Variants in NCAM2 observed in about 807,000 individuals in gnomAD.
NCAM2 encodes the protein N-CAM-2.
A neutral mutation model predicts 98.1 loss-of-function variants in NCAM2; 30 were observed. The ratio of observed to expected loss-of-function variants is 0.31; its 90% confidence interval spans 0.23 to 0.41. The LOEUF (loss-of-function observed/expected upper bound fraction) is 0.41. Among genes scored for constraint, NCAM2 ranks in the 10% least tolerant of loss-of-function variants. The pLI is 1.00. For synonymous variants in NCAM2, 368 were observed against 342.4 expected (o/e 1.07, Z -0.83); for missense variants, 867 against 1,005.8 (o/e 0.86, Z 1.87).
At chr21:21,350,610 T>A (rs183121489) in intron 8 of NCAM2, among the ~76,000 whole-genome samples, 9 of 152,178 alleles carry the variant, frequency 5.9e-5, no homozygotes, top group Non-Finnish European at 1.3e-4. Context: ...TTGCATAATG[T>A]GATATCCTTC....
chr21:21,055,028 A>C (rs2065185145), intron 1 of NCAM2, among the ~76,000 whole-genome samples: 1 of 152,070 alleles, frequency 6.6e-6, no homozygotes, highest in Non-Finnish European at 1.5e-5. Context: ...AGGAAAATGA[A>C]ACTTAAAAAT....
chr21:21,299,260 C>A (rs903174307), intron 5 of NCAM2, among the ~76,000 whole-genome samples: 6 of 150,294 alleles, frequency 4.0e-5, no homozygotes, highest in African/African-American at 1.5e-4. Context: ...TTTATTCACA[C>A]TGAAATTCAC....
At chr21:21,350,162 C>G (rs2075296384) in intron 8 of NCAM2, among the ~76,000 whole-genome samples, 1 of 152,100 alleles carries the variant, frequency 6.6e-6, no homozygotes, top group Admixed American at 6.6e-5. Context: ...TGTATCAAAA[C>G]ATCTCATGTA....
At chr21:21,225,432 C>T (rs1047152085) in intron 1 of NCAM2, among the ~76,000 whole-genome samples, 4 of 151,890 alleles carry the variant, frequency 2.6e-5, no homozygotes, top group Non-Finnish European at 4.4e-5. Flanking sequence ...AACAAGTACC[C>T]AACATATATT....
chr21:21,355,741 G>T (rs1449705115), intron 8 of NCAM2, among the ~76,000 whole-genome samples: 2 of 151,580 alleles, frequency 1.3e-5, no homozygotes, highest in African/African-American at 2.4e-5. Context: ...ATAGCCTCCG[G>T]AGTAGCTGGG....
chr21:21,294,575 A>G (rs2073408816), intron 5 of NCAM2, among the ~76,000 whole-genome samples: 2 of 151,648 alleles, frequency 1.3e-5, no homozygotes, highest in Non-Finnish European at 2.9e-5. Flanking sequence ...AGGATCACAA[A>G]CTCGCGTAGC....
intron 16 of NCAM2, among the ~76,000 whole-genome samples, chr21:21,530,177 T>G (rs566069355): frequency 1.5e-5 from 2 of 135,742 alleles, no homozygotes; most frequent in Non-Finnish European, 3.1e-5. Context: ...AATTTAATTA[T>G]ATATGATTTA....
chr21:21,501,696 G>T (rs938072762), intron 15 of NCAM2, among the ~76,000 whole-genome samples: 3 of 150,028 alleles, frequency 2.0e-5, no homozygotes, highest in Admixed American at 6.7e-5. Flanking sequence ...TGTCAATTCT[G>T]ACCTAGATGG....
At chr21:21,150,025 CCCA>C (rs1229822154) in intron 1 of NCAM2, among the ~76,000 whole-genome samples, 2 of 152,050 alleles carry the variant, frequency 1.3e-5, no homozygotes, top group Non-Finnish European at 2.9e-5. Context: ...AATTTACAGT[CCCA>C]CCAACAGTGT....
chr21:21,378,172 A>G (rs1261251679), intron 9 of NCAM2, among the ~76,000 whole-genome samples: 1 of 101,554 alleles, frequency 9.8e-6, no homozygotes, highest in East Asian at 2.3e-4. Flanking sequence ...TACCAGGTAC[A>G]GACTTTTTTT....
At chr21:21,219,687 A>C (rs535027318) in intron 1 of NCAM2, among the ~76,000 whole-genome samples, 2 of 152,322 alleles carry the variant, frequency 1.3e-5, no homozygotes, top group South Asian at 4.1e-4. Context: ...TCATTATTTT[A>C]GAGTGTATCT....
At chr21:21,070,267 G>GTATATATATATA (rs56050809) in intron 1 of NCAM2, among the ~76,000 whole-genome samples, 1 of 145,232 alleles carries the variant, frequency 6.9e-6, no homozygotes, top group Admixed American at 7.0e-5. Flanking sequence ...TGTACATAGT[G>GTATATATATATA]TATATATATA....
At chr21:21,377,334 T>C (rs1215736871) in intron 9 of NCAM2, among the ~76,000 whole-genome samples, 1 of 151,842 alleles carries the variant, frequency 6.6e-6, no homozygotes, top group Non-Finnish European at 1.5e-5. Flanking sequence ...CTATCCCTCC[T>C]TTTTACAACT....
intron 1 of NCAM2, among the ~76,000 whole-genome samples, chr21:21,135,939 T>TAA (rs11377639): frequency 3.3e-5 from 5 of 151,736 alleles, no homozygotes; most frequent in Non-Finnish European, 1.5e-5. Flanking sequence ...CCCATGTATT[T>TAA]AAAAAAAATT....
intron 16 of NCAM2, among the ~76,000 whole-genome samples, chr21:21,524,308 C>A (rs114636235): frequency 0.017 from 2,506 of 150,840 alleles, 70 homozygotes; most frequent in African/African-American, 0.057. Context: ...TGTTTAACAA[C>A]AAAGCATAAA....
chr21:21,473,903 CAAAAAA>C, intron 14 of NCAM2, among the ~76,000 whole-genome samples: 1 of 136,302 alleles, frequency 7.3e-6, no homozygotes, highest in South Asian at 2.3e-4. Flanking sequence ...ATTTTCTGAC[CAAAAAA>C]AAAAAAAAGG....
At chr21:21,071,964 G>C (rs78431775) in intron 1 of NCAM2, among the ~76,000 whole-genome samples, 106 of 151,924 alleles carry the variant, frequency 7.0e-4, no homozygotes, top group East Asian at 4.5e-3. Flanking sequence ...CCAGGCTGGA[G>C]TGCAGTGGCG....
At chr21:21,243,150 G>T (rs1441333051) in intron 1 of NCAM2, among the ~76,000 whole-genome samples, 1 of 152,176 alleles carries the variant, frequency 6.6e-6, no homozygotes, top group Non-Finnish European at 1.5e-5. Context: ...AAGAGCCAAA[G>T]AAATAATATA....
chr21:21,124,359 A>C (rs1262150270), intron 1 of NCAM2, among the ~76,000 whole-genome samples: 1 of 152,188 alleles, frequency 6.6e-6, no homozygotes, highest in African/African-American at 2.4e-5. Context: ...TGCAATGATC[A>C]CACAACTTGA....
Sources: gnomAD v4.1 joint callset for allele counts (sites outside exome capture counted in the v4.1 genomes callset) on GRCh38, gnomAD v4.1.1 for gene constraint, MANE v1.5 for transcripts, NCBI Gene and HGNC (gene_info 2026-07-23, HGNC 2026-07-21) for gene names.